Variants in ZNF469 observed in about 807,000 individuals in gnomAD.
ZNF469 encodes the protein zinc finger protein 469.
In ZNF469, 1 loss-of-function variant was observed where a neutral mutation model predicts 1.0. The ratio of observed to expected loss-of-function variants is 1.00; its 90% CI spans 0.35 to 4.73. ZNF469 has a LOEUF of 4.73. Among genes scored for constraint, ZNF469 ranks in the 30% most tolerant of loss-of-function variants. The pLI, the probability that ZNF469 is intolerant of heterozygous loss-of-function variation, is 0.16. For missense variants in ZNF469, 6,100 were observed against 5,356.3 expected, an observed-to-expected ratio of 1.14 and a Z score of -4.33; for synonymous variants, 2,703 against 2,363.4, an observed-to-expected ratio of 1.14 and a Z score of -4.17.
At chr16:88,339,867 G>C in the ZNF469 span, among the ~76,000 whole-genome samples, 4 of 144,470 alleles carry the variant, frequency 2.8e-5, no homozygotes, top group African/African-American at 1.1e-4. Flanking sequence ...AGGAGGTCAG[G>C]GGACAGAGTG....
At position 88,428,959 on chromosome 16, in the gene ZNF469, G is replaced by A. The variant is rs28723506; in HGVS notation, c.1489G>A (p.Gly497Arg). 0.12 allele frequency: 180,399 copies of A among 1,547,894 alleles called. 11,113 individuals carry two copies. Among genetic ancestry groups the A allele is most frequent in the Admixed American group, 0.16 (8,162 of 50,940 alleles). The change falls in exon 3 of 3, where the codon GGA (glycine) becomes AGA (arginine). Residue 497 changes from glycine (G) to arginine (R), a missense_variant. Gly to Arg is a moderately radical substitution (Grantham distance 125). Transcript: ENST00000565624. ...CCCGACCGCCCGGCCAAGTCCCCAC[G>A]GAATGGAGATGCTGAGCCGGCTGCC... ...VLPTARPSPH[G>R]MEMLSRLPFP... is the part of the protein sequence containing the mutation.
the ZNF469 span, among the ~76,000 whole-genome samples, chr16:88,361,567 T>C: frequency 2.6e-4 from 40 of 151,538 alleles, no homozygotes; most frequent in African/African-American, 7.8e-4. Context: ...ACTTAAGGCA[T>C]TTTCTGTTCT....
rs1311706347 is a variant in ZNF469 at position 88,439,048 on chromosome 16, A to ACCAAGC, written c.11589_11594dup (p.Lys3863_Pro3864dup). 54 of 1,550,164 alleles carry ACCAAGC rather than the reference A, an allele frequency of 3.5e-5. No individual in the cohort carries two copies. Among genetic ancestry groups the ACCAAGC allele is most frequent in the Non-Finnish European group, 4.5e-5 (52 of 1,146,938 alleles). On this transcript the variant is annotated inframe_insertion, in exon 3 of 3. Transcript: ENST00000565624. ...GGCAACTCCCAGCCGCGTGCTCCCG[A>ACCAAGC]CCAAGCCCAAGCCCAACAGCCAGAA...
At chr16:88,250,616 A>T in the ZNF469 span, among the ~76,000 whole-genome samples, 3 of 152,106 alleles carry the variant, frequency 2.0e-5, no homozygotes, top group African/African-American at 7.2e-5. Flanking sequence ...CATAGGCTGC[A>T]CTGCTTGCGG....
the ZNF469 span, among the ~76,000 whole-genome samples, chr16:88,257,497 C>G: frequency 6.6e-6 from 1 of 152,164 alleles, no homozygotes; most frequent in African/African-American, 2.4e-5. Context: ...TTTCACAGAG[C>G]AGAAGTTTTC....
chr16:88,281,285 T>C, the ZNF469 span, among the ~76,000 whole-genome samples: 3 of 145,544 alleles, frequency 2.1e-5, no homozygotes, highest in South Asian at 6.6e-4. Flanking sequence ...GTGCGTGGGT[T>C]AATGCTGTGC....
At chr16:88,183,123 C>G in the ZNF469 span, among the ~76,000 whole-genome samples, 2 of 152,176 alleles carry the variant, frequency 1.3e-5, no homozygotes, top group African/African-American at 4.8e-5. Context: ...TTTAACATCA[C>G]TAGTCATGAG....
the ZNF469 span, among the ~76,000 whole-genome samples, chr16:88,376,490 GCCT>G: frequency 4.4e-3 from 666 of 152,322 alleles, 13 homozygotes; most frequent in East Asian, 5.0e-3. Context: ...CAGCCCGGGT[GCCT>G]CCTCCGGGGC....
chr16:88,336,753 G>A, the ZNF469 span, among the ~76,000 whole-genome samples: 3 of 152,242 alleles, frequency 2.0e-5, no homozygotes, highest in East Asian at 3.8e-4. Context: ...TCACATGTGC[G>A]ATTCGGTGGC....
chr16:88,181,645 C>A, the ZNF469 span, among the ~76,000 whole-genome samples: 1 of 152,130 alleles, frequency 6.6e-6, no homozygotes. Flanking sequence ...TTTGTAGGTG[C>A]TGGCAAGGCA....
chr16:88,138,015 CA>C, the ZNF469 span, among the ~76,000 whole-genome samples: 1 of 152,156 alleles, frequency 6.6e-6, no homozygotes, highest in Non-Finnish European at 1.5e-5. Context: ...TTCACCCCAT[CA>C]CGGAGCATTC....
chr16:88,291,878 T>C, the ZNF469 span, among the ~76,000 whole-genome samples: 1 of 152,078 alleles, frequency 6.6e-6, no homozygotes, highest in Admixed American at 6.5e-5. Flanking sequence ...GCTGATGTGG[T>C]GCCTTCAGAC....
the ZNF469 span, among the ~76,000 whole-genome samples, chr16:88,129,359 T>C: frequency 6.6e-6 from 1 of 152,166 alleles, no homozygotes; most frequent in Non-Finnish European, 1.5e-5. Flanking sequence ...TGCCACTGCC[T>C]CTGTTCTTCC....
At chr16:88,276,884 T>C in the ZNF469 span, among the ~76,000 whole-genome samples, 1 of 152,124 alleles carries the variant, frequency 6.6e-6, no homozygotes, top group Non-Finnish European at 1.5e-5. Flanking sequence ...GCTCGGTCAG[T>C]ACCATGTAGA....
At chr16:88,240,658 C>A in the ZNF469 span, among the ~76,000 whole-genome samples, 1 of 152,104 alleles carries the variant, frequency 6.6e-6, no homozygotes, top group Non-Finnish European at 1.5e-5. Context: ...TATCTGCCAA[C>A]CCCAGAGCCC....
the ZNF469 span, among the ~76,000 whole-genome samples, chr16:88,371,185 C>G: frequency 6.6e-6 from 1 of 152,244 alleles, no homozygotes; most frequent in African/African-American, 2.4e-5. Context: ...GATAGAGCAT[C>G]CCACAGACAT....
the ZNF469 span, among the ~76,000 whole-genome samples, chr16:88,326,275 T>TTA: frequency 6.6e-6 from 1 of 152,002 alleles, no homozygotes; most frequent in East Asian, 1.9e-4. Flanking sequence ...AAAATGAGAG[T>TTA]TTCTCTGCAC....
chr16:88,343,946 C>G, the ZNF469 span, among the ~76,000 whole-genome samples: 1 of 152,094 alleles, frequency 6.6e-6, no homozygotes, highest in Non-Finnish European at 1.5e-5. Context: ...GCCAGGAGGT[C>G]AAGGTCATCC....
the ZNF469 span, among the ~76,000 whole-genome samples, chr16:88,265,353 C>T: frequency 6.6e-6 from 1 of 152,182 alleles, no homozygotes; most frequent in Non-Finnish European, 1.5e-5. Flanking sequence ...TAGCACCACT[C>T]GCAGGCAGAA....
Sources: allele counts gnomAD v4.1 joint callset (sites outside exome capture counted in the v4.1 genomes callset), GRCh38; gene constraint gnomAD v4.1.1; transcripts MANE v1.5; gene names NCBI Gene and HGNC (gene_info 2026-07-23, HGNC 2026-07-21).